NDUFA6: variants seen among roughly 807,000 people sequenced by gnomAD.
The protein encoded by NDUFA6 is NADH dehydrogenase [ubiquinone] 1 alpha subcomplex subunit 6.
Under a neutral mutation model 12.5 loss-of-function variants are expected in NDUFA6, and 10 were observed. The ratio of observed to expected loss-of-function variants is 0.80; its 90% CI spans 0.49 to 1.35. The LOEUF (loss-of-function observed/expected upper bound fraction) is 1.35. Among genes scored for constraint, NDUFA6 ranks in the 40% most tolerant of loss-of-function variants. The pLI is 0.00. For missense variants in NDUFA6, 177 were observed against 173.5 expected, an observed-to-expected ratio of 1.02 and a Z score of -0.11; for synonymous variants, 66 against 63.0, an observed-to-expected ratio of 1.05 and a Z score of -0.23.
rs770533454 is a variant in NDUFA6, at chr22:42,086,143, T to C, written c.*40A>G. 1 of 1,614,100 alleles carries C rather than the reference T, an allele frequency of 6.2e-7. No homozygotes were observed. ...CATTGTATAGTGAGTTTATTTGTGC[T>C]CTAAAATAGTATCAACGTGCATCTT... On this transcript the variant is annotated 3_prime_UTR_variant, in exon 3 of 3. Transcript: ENST00000498737.
At position 42,090,595 on chromosome 22, in the gene NDUFA6, C is replaced by T; in HGVS notation, c.139+11G>A. ...GGCCTCCGGGTCCCCACGTAAGCCG[C>T]TACCTCTCACCAGTGTTCGGCACCT... is the stretch of plus-strand genomic sequence containing the variant. On this transcript the variant is annotated intron_variant, in intron 1 of 2. Coordinates refer to ENST00000498737, the MANE Select transcript of NDUFA6 (RefSeq NM_002490.6). The T allele has an allele frequency of 1.2e-6, 2 of 1,613,428 alleles. No homozygotes were observed. Among genetic ancestry groups the T allele is most frequent in the South Asian group, 2.2e-5 (2 of 91,088 alleles).
chr22:42,087,433 G>A, intron 1 of NDUFA6: 1 of 498,758 alleles, frequency 2.0e-6, no homozygotes, highest in South Asian at 2.2e-5. Context: ...AACAACCTGG[G>A]TTCAAATCCC....
intron 2 of NDUFA6, among the ~76,000 whole-genome samples, chr22:42,086,844 T>C (rs1044140688): frequency 1.3e-5 from 2 of 152,238 alleles, no homozygotes; most frequent in African/African-American, 4.8e-5. Flanking sequence ...TTTATGGTTA[T>C]AAAATGCAAG....
chr22:42,089,709 C>A (rs1602522040), intron 1 of NDUFA6: 1 of 152,236 alleles, frequency 6.6e-6, no homozygotes, highest in East Asian at 1.9e-4. Context: ...AATACAGTAA[C>A]CTTCTGAAGA....
chr22:42,090,458 G>C, intron 1 of NDUFA6, 148 bp downstream of exon 1: 1 of 973,412 alleles, frequency 1.0e-6, no homozygotes, highest in Middle Eastern at 3.1e-4. Flanking sequence ...GCCCATGGTA[G>C]GCTCGGGTGA....
rs2146870824 is a variant in NDUFA6 at position 42,085,853 on chromosome 22, TAATC to T, written c.*326_*329del. On this transcript the variant is annotated 3_prime_UTR_variant, in exon 3 of 3. Transcript: ENST00000498737. ...ATCTGTGCCCTGACACTGAAGTGTC[TAATC>T]ATAGGGGCTATAGAAACAACTACAT... 2.4e-6 allele frequency: 1 copy of T among 422,490 alleles called. No individual in the cohort carries two copies. Among genetic ancestry groups the T allele is most frequent in the Admixed American group, 3.6e-5 (1 of 27,490 alleles). The allele number at this position is 422,490 out of a possible 1,614,324, so 26.2% of individuals were successfully genotyped here.
intron 1 of NDUFA6, among the ~76,000 whole-genome samples, chr22:42,090,213 TA>T (rs915917582): frequency 6.6e-6 from 1 of 151,862 alleles, no homozygotes; most frequent in Admixed American, 6.6e-5. Flanking sequence ...CGGGCATCTA[TA>T]ATTACACTCT....
chr22:42,086,990 C>A, intron 2 of NDUFA6, 70 bp downstream of exon 2: 2 of 1,085,886 alleles, frequency 1.8e-6, no homozygotes, highest in East Asian at 2.4e-5. Context: ...ACAAAATGTT[C>A]ATTTGGAAAG....
At chr22:42,089,194 C>T (rs1046418900) in intron 1 of NDUFA6, among the ~76,000 whole-genome samples, 4 of 152,070 alleles carry the variant, frequency 2.6e-5, no homozygotes, top group South Asian at 2.1e-4. Context: ...CACAAGCCAC[C>T]CTTTTTGAAT....
At position 42,090,739 on chromosome 22, in the gene NDUFA6, C is replaced by T; in HGVS notation, c.6G>A (p.Ala2=). ...AAGTAGCTTGGCGGACGCCGCTCCC[C>T]GCCATCTTGCCAAAGCATCCACTCC... M[A]GSGVRQATST... Residue 2 remains alanine, a synonymous_variant, in exon 1 of 3, where the codon GCG becomes GCA. Transcript: ENST00000498737. 1 of 1,614,186 alleles carries T rather than the reference C, an allele frequency of 6.2e-7. No individual in the cohort carries two copies. Among genetic ancestry groups the T allele is most frequent in the Non-Finnish European group, 8.5e-7 (1 of 1,180,040 alleles).
Position 42,087,083 on chromosome 22 carries a change from C to T in NDUFA6, c.232G>A (p.Val78Met), listed in dbSNP as rs201393749. 43 of 1,613,836 alleles carry T rather than the reference C, an allele frequency of 2.7e-5. No homozygotes were observed. The highest frequency in any genetic ancestry group is 3.6e-5 in the Non-Finnish European group (43 of 1,179,810). Residue 78 changes from valine to methionine, a missense_variant, in exon 2 of 3, where the codon GTG becomes ATG. Coordinates refer to ENST00000498737, the MANE Select transcript of NDUFA6 (RefSeq NM_002490.6). Reference sequence around the variant, plus strand: ...ACCTTAATGACCAGAAGATCAACCACCCTGGGGTCTGTGACATGGGCATTC... The same window carrying T: ...ACCTTAATGACCAGAAGATCAACCATCCTGGGGTCTGTGACATGGGCATTC... ...MKNAHVTDPRVVDLLVIKGKI... is the reference protein window; with the variant it reads ...MKNAHVTDPRMVDLLVIKGKI...
chr22:42,090,729 C>G lies in NDUFA6; in HGVS notation c.16G>C (p.Val6Leu). The part of the protein sequence containing the change: MAGSG[V>L]RQATSTASTF... ...CTGGCGGTAGAAGTAGCTTGGCGGA[C>G]GCCGCTCCCCGCCATCTTGCCAAAG... Residue 6 changes from valine (V) to leucine (L), a missense_variant, in exon 1 of 3, where the codon GTC (valine) becomes CTC (leucine). Physicochemically the swap from Val to Leu is conservative, Grantham distance 32. Around this residue, in one of 3 missense-constraint regions of NDUFA6, gnomAD observed 111 missense variants for 87.2 expected, o/e 1.27. Transcript: ENST00000498737. 1 of 1,614,122 alleles carries G rather than the reference C, an allele frequency of 6.2e-7. No individual in the cohort carries two copies. Among genetic ancestry groups the G allele is most frequent in the Non-Finnish European group, 8.5e-7 (1 of 1,180,034 alleles).
At chr22:42,086,754 G>A (rs1406475670) in intron 2 of NDUFA6, among the ~76,000 whole-genome samples, 1 of 152,180 alleles carries the variant, frequency 6.6e-6, no homozygotes, top group Non-Finnish European at 1.5e-5. Flanking sequence ...TCTTCCAGCT[G>A]TAAACTGGCA....
rs1341298462 is a variant in NDUFA6 at position 42,086,068 on chromosome 22, A to G, written c.*115T>C. The G allele has an allele frequency of 5.4e-6, 8 of 1,480,274 alleles. No homozygotes were observed. Among genetic ancestry groups the G allele is most frequent in the Admixed American group, 1.7e-5 (1 of 59,770 alleles). The allele number at this position is 1,480,274 out of a possible 1,614,324, so 91.7% of individuals were successfully genotyped here. ...CCAAGGTCCCACTTGCTCAGGCAAA[A>G]AGAGGCTGCAGAAAATTGGTTCATC... On this transcript the variant is annotated 3_prime_UTR_variant, in exon 3 of 3. Coordinates refer to ENST00000498737, the MANE Select transcript of NDUFA6 (RefSeq NM_002490.6).
At chr22:42,090,349 C>T (rs1296384262) in intron 1 of NDUFA6, among the ~76,000 whole-genome samples, 3 of 152,260 alleles carry the variant, frequency 2.0e-5, no homozygotes, top group African/African-American at 7.2e-5. Context: ...CAGTCATCGT[C>T]CTCCCGCCAA....
In NDUFA6 at chr22:42,088,384, G is replaced by A. The variant is rs140272497; in HGVS notation, c.140-1209C>T. ...ATTGCGCCACTGCAGTCCGCAGTCC[G>A]GCCTGGGCGACAGAGCGAGACTCCG... is the stretch of plus-strand genomic sequence containing the variant. On this transcript the variant is annotated intron_variant, in intron 1 of 2. Coordinates refer to ENST00000498737, the MANE Select transcript of NDUFA6 (RefSeq NM_002490.6). 5.0e-3 allele frequency among the ~76,000 whole-genome samples: 751 copies of A among 151,024 alleles called. 5 individuals carry two copies. The highest frequency in any genetic ancestry group is 0.017 in the African/African-American group (706 of 41,090).
intron 1 of NDUFA6, among the ~76,000 whole-genome samples, chr22:42,090,309 G>A (rs1251232179): frequency 6.6e-6 from 1 of 152,284 alleles, no homozygotes; most frequent in East Asian, 1.9e-4. Flanking sequence ...TGCCTCCGCT[G>A]CCTCACCCAC....
In NDUFA6 at chr22:42,090,656, C is replaced by G. The variant is rs749641276; in HGVS notation, c.89G>C (p.Arg30Pro). The change falls in exon 1 of 3, where the codon CGG (arginine) becomes CCG (proline). Residue 30 changes from arginine (R) to proline (P), a missense_variant. Physicochemically the swap from Arg to Pro is moderately radical, Grantham distance 103. Coordinates refer to ENST00000498737, the MANE Select transcript of NDUFA6 (RefSeq NM_002490.6). ...IFSRDMNEAK[R>P]RVRELYRAWY... ...GGCGCGGTAGAGCTCGCGCACCCTC[C>G]GCTTGGCCTCGTTCATGTCCCGACT... 6.2e-7 allele frequency: 1 copy of G among 1,614,170 alleles called. No individual in the cohort carries two copies. The highest frequency in any genetic ancestry group is 8.5e-7 in the Non-Finnish European group (1 of 1,180,040).
At chr22:42,090,429 C>T (rs1928566760) in intron 1 of NDUFA6, among the ~76,000 whole-genome samples, 177 bp downstream of exon 1, 1 of 152,252 alleles carries the variant, frequency 6.6e-6, no homozygotes, top group Admixed American at 6.5e-5. Flanking sequence ...GTCTGACCAC[C>T]GCGCCGCCGC....
Sources: gnomAD v4.1 joint callset for allele counts (sites outside exome capture counted in the v4.1 genomes callset) on GRCh38, gnomAD v4.1.1 for gene constraint, gnomAD v4.1.1 regional missense constraint, MANE v1.5 for transcripts, NCBI Gene and HGNC (gene_info 2026-07-23, HGNC 2026-07-21) for gene names.